CCDC171: variants seen among roughly 807,000 people sequenced by gnomAD.
CCDC171 encodes the protein coiled-coil domain containing 171.
CCDC171 carries 177 observed loss-of-function variants against 168.2 expected under a neutral mutation model. The observed-to-expected ratio is 1.05, with a 90% confidence interval of 0.93 to 1.19. The LOEUF (loss-of-function observed/expected upper bound fraction) is 1.19, where lower values mean the gene tolerates loss of function less well. CCDC171 is among the 50% of genes most tolerant of loss of function. The probability of loss-of-function intolerance (pLI) is 0.00; values close to 1 mark genes in which losing one functional copy is unlikely to be tolerated. For missense variants in CCDC171, 1,991 were observed against 1,539.0 expected, an observed-to-expected ratio of 1.29 and a Z score of -4.91; for synonymous variants, 687 against 540.8, an observed-to-expected ratio of 1.27 and a Z score of -3.75.
At chr9:15,804,643 T>C (rs1474298605) in intron 21 of CCDC171, among the ~76,000 whole-genome samples, 7 of 152,100 alleles carry the variant, frequency 4.6e-5, no homozygotes, top group Non-Finnish European at 1.0e-4. Context: ...TGCCAGTGTT[T>C]TGTGGAGGAT....
intron 2 of CCDC171, among the ~76,000 whole-genome samples, chr9:15,566,226 A>C (rs1359250805): frequency 6.7e-6 from 1 of 148,432 alleles, no homozygotes; most frequent in Non-Finnish European, 1.5e-5. Flanking sequence ...GAGCTTTAGG[A>C]GTGTTTGTAT....
At chr9:16,013,553 T>C (rs947938743) in intron 3 of CCDC171, among the ~76,000 whole-genome samples, 1 of 152,208 alleles carries the variant, frequency 6.6e-6, no homozygotes, top group African/African-American at 2.4e-5. Context: ...CACAGCCAGA[T>C]GCAGGCTCCA....
rs1342535698 is a variant in CCDC171 at position 16,002,473 on chromosome 9, A to T, written n.369-18116A>T. Among the ~76,000 whole-genome samples, 5 of 152,264 alleles carry T rather than the reference A, an allele frequency of 3.3e-5. No homozygotes were observed. The East Asian group carries it at 9.6e-4, about 29-fold the overall frequency. ...TACAGAATAAGGATATAAGAAAGAAAATAGTTTTGTACAACTGTACGTTGT... is the reference window on the plus strand; with the variant it reads ...TACAGAATAAGGATATAAGAAAGAATATAGTTTTGTACAACTGTACGTTGT... On this transcript the variant is annotated intron_variant and non_coding_transcript_variant, in intron 3 of 9. Coordinates refer to the CCDC171 transcript ENST00000486641.
At chr9:15,718,726 T>C (rs1440264072) in intron 11 of CCDC171, among the ~76,000 whole-genome samples, 1 of 152,238 alleles carries the variant, frequency 6.6e-6, no homozygotes, top group Non-Finnish European at 1.5e-5. Flanking sequence ...AGGTGGTGCC[T>C]CTGTGAGTCT....
intron 6 of CCDC171, among the ~76,000 whole-genome samples, chr9:16,028,954 C>T (rs962304389): frequency 9.9e-5 from 15 of 152,188 alleles, no homozygotes; most frequent in Admixed American, 9.8e-4. Flanking sequence ...GCTCTCCAGC[C>T]TCTGCCGGTG....
At chr9:15,742,005 G>T (rs1038626160) in intron 16 of CCDC171, among the ~76,000 whole-genome samples, 15 of 152,060 alleles carry the variant, frequency 9.9e-5, no homozygotes, top group Admixed American at 2.6e-4. Flanking sequence ...AGACACTGAG[G>T]TTCACTTTTA....
At chr9:15,661,953 C>T (rs1429239382) in intron 8 of CCDC171, among the ~76,000 whole-genome samples, 1 of 152,156 alleles carries the variant, frequency 6.6e-6, no homozygotes. Flanking sequence ...GTTGTATCTA[C>T]CTATTTTACT....
downstream of CCDC171, among the ~76,000 whole-genome samples, chr9:16,065,567 C>T (rs1564141778): frequency 1.3e-5 from 2 of 152,172 alleles, no homozygotes; most frequent in Admixed American, 6.5e-5. Context: ...CAGCACAGAA[C>T]GCAGCCACAA....
chr9:15,626,014 T>C (rs182167798), intron 7 of CCDC171, among the ~76,000 whole-genome samples: 71 of 152,332 alleles, frequency 4.7e-4, no homozygotes, highest in African/African-American at 1.4e-3. Context: ...TTTGTAGTTC[T>C]CCTTGAAGAG....
chr9:16,070,865 G>A, the CCDC171 span, among the ~76,000 whole-genome samples: 108 of 152,234 alleles, frequency 7.1e-4, no homozygotes, highest in African/African-American at 2.5e-3. Context: ...CCTTCTTCAG[G>A]GGAAGCCCCT....
At chr9:15,618,531 T>C (rs987039554) in intron 6 of CCDC171, among the ~76,000 whole-genome samples, 3 of 152,158 alleles carry the variant, frequency 2.0e-5, no homozygotes, top group Non-Finnish European at 4.4e-5. Flanking sequence ...AGTGGACGGT[T>C]GTCCTTTCTC....
the CCDC171 span, among the ~76,000 whole-genome samples, chr9:16,085,312 C>T: frequency 1.2e-4 from 18 of 152,198 alleles, no homozygotes; most frequent in Admixed American, 3.3e-4. Flanking sequence ...TAGAGTCTTA[C>T]GACACTGTTG....
In CCDC171 at chr9:15,623,393, C is replaced by T. The variant is rs200115738; in HGVS notation, c.802C>T (p.Arg268Cys). The T allele has an allele frequency of 5.0e-5, 80 of 1,604,490 alleles. No individual in the cohort carries two copies. In the Middle Eastern group the frequency reaches 1.7e-3, roughly 33 times the overall value. ...ELEFSTQREERLRKEFEATTL... is the reference protein window; with the variant it reads ...ELEFSTQREECLRKEFEATTL... ...TGAATTTAGCACTCAACGAGAGGAA[C>T]GCCTTAGAAAAGAATTTGAGGTACA... The change falls in exon 7 of 26, where the codon CGC becomes TGC. Residue 268 changes from arginine (R) to cysteine (C), a missense_variant. Physicochemically the swap from Arg to Cys is radical, Grantham distance 180. Transcript: ENST00000380701.
At chr9:15,601,149 C>T (rs763789908) in intron 6 of CCDC171, among the ~76,000 whole-genome samples, 26 of 152,188 alleles carry the variant, frequency 1.7e-4, no homozygotes, top group Non-Finnish European at 2.6e-4. Context: ...GTCCTGCACC[C>T]ACTCTCTGAC....
At position 15,655,609 on chromosome 9, in the gene CCDC171, A is replaced by G. The variant is rs561268436; in HGVS notation, c.823-1518A>G. Among the ~76,000 whole-genome samples, 11 of 152,362 alleles carry G rather than the reference A, an allele frequency of 7.2e-5. No individual in the cohort carries two copies. In the East Asian group the frequency reaches 2.1e-3, roughly 29 times the overall value. On this transcript the variant is annotated intron_variant, in intron 7 of 25. Coordinates refer to ENST00000380701, the MANE Select transcript of CCDC171 (RefSeq NM_173550.4). ...GGTTTGCAAGTGATACTGTTAAGAG[A>G]AGGAGAAGACAGGACGTAGACTGGG...
intron 6 of CCDC171, among the ~76,000 whole-genome samples, chr9:16,028,244 C>T (rs1467614177): frequency 6.6e-6 from 1 of 152,188 alleles, no homozygotes; most frequent in Non-Finnish European, 1.5e-5. Flanking sequence ...CTATTGGAAG[C>T]TTCTTCCGTG....
At chr9:15,875,390 C>T (rs1043862213) in intron 24 of CCDC171, 2 of 151,686 alleles carry the variant, frequency 1.3e-5, no homozygotes, top group Middle Eastern at 3.6e-3. Context: ...TTATTGTGAT[C>T]AATTTTTTCC....
intron 3 of CCDC171, among the ~76,000 whole-genome samples, chr9:15,986,955 A>C (rs1363965810): frequency 2.0e-5 from 3 of 152,158 alleles, no homozygotes; most frequent in Non-Finnish European, 2.9e-5. Flanking sequence ...CAGAAAAAAA[A>C]CCTACATTGT....
At chr9:15,658,950 T>C (rs1252855775) in intron 8 of CCDC171, among the ~76,000 whole-genome samples, 2 of 152,118 alleles carry the variant, frequency 1.3e-5, no homozygotes, top group East Asian at 3.8e-4. Context: ...TGATTTTAGG[T>C]AACTAATTTG....
Sources: allele counts gnomAD v4.1 joint callset (sites outside exome capture counted in the v4.1 genomes callset), GRCh38; gene constraint gnomAD v4.1.1; transcripts MANE v1.5; gene names NCBI Gene and HGNC (gene_info 2026-07-23, HGNC 2026-07-21).